The following NBEAL1 variants were observed in gnomAD, a reference collection of about 807,000 sequenced individuals.
NBEAL1 encodes neurobeachin-like protein 1.
In NBEAL1, 273 loss-of-function variants were observed where a neutral mutation model predicts 351.3. That is an observed-to-expected ratio of 0.78 (90% CI 0.70 to 0.86). NBEAL1 has a LOEUF of 0.86. Ranked by LOEUF, NBEAL1 falls within the 40% of genes least tolerant of loss-of-function variation. NBEAL1 has a pLI of 0.00. For synonymous variants in NBEAL1, 1,050 were observed against 1,086.4 expected (o/e 0.97, Z 0.66); for missense variants, 2,961 against 3,201.3 (o/e 0.92, Z 1.81).
chr2:203,206,573 G>C (rs952871953), intron 51 of NBEAL1, among the ~76,000 whole-genome samples: 2 of 136,980 alleles, frequency 1.5e-5, no homozygotes, highest in East Asian at 4.5e-4. Context: ...GCGCCGCCAC[G>C]CCTGACTGGT....
At chr2:203,183,236 T>C in intron 43 of NBEAL1, 43 bp from the exon 44 acceptor site, 4 of 1,080,364 alleles carry the variant, frequency 3.7e-6, no homozygotes, top group Non-Finnish European at 2.7e-6. Context: ...TCGTTTATTA[T>C]AATCTAAAAT....
intron 2 of NBEAL1, among the ~76,000 whole-genome samples, chr2:203,023,617 T>TC (rs1332308441): frequency 6.6e-6 from 1 of 151,004 alleles, no homozygotes; most frequent in Non-Finnish European, 1.5e-5. Context: ...TTTTTTTTTT[T>TC]CTGTTTGTTT....
At chr2:203,213,296 A>T (rs1405851644) in intron 54 of NBEAL1, among the ~76,000 whole-genome samples, 1 of 152,194 alleles carries the variant, frequency 6.6e-6, no homozygotes, top group Non-Finnish European at 1.5e-5. Context: ...TAGAAGAAAA[A>T]TAGATGTCAA....
intron 2 of NBEAL1, among the ~76,000 whole-genome samples, chr2:203,034,378 C>T (rs546507824): frequency 6.7e-5 from 10 of 148,184 alleles, no homozygotes; most frequent in Admixed American, 1.4e-4. Context: ...AGGATAGTCT[C>T]GATATCCTGA....
chr2:203,211,364 G>A (rs2065785031), intron 54 of NBEAL1, among the ~76,000 whole-genome samples: 1 of 151,980 alleles, frequency 6.6e-6, no homozygotes, highest in African/African-American at 2.4e-5. Flanking sequence ...TTTTAGGCTG[G>A]ACATAGTCAC....
At chr2:203,148,898 T>C in intron 33 of NBEAL1, 93 bp from the exon 34 acceptor site, 1 of 1,163,378 alleles carries the variant, frequency 8.6e-7, no homozygotes, top group Non-Finnish European at 1.1e-6. Flanking sequence ...ATGCAAGATT[T>C]TATTGGTCAA....
At chr2:203,121,548 A>C (rs2106271290) in intron 18 of NBEAL1, among the ~76,000 whole-genome samples, 1 of 151,110 alleles carries the variant, frequency 6.6e-6, no homozygotes, top group South Asian at 2.1e-4. Context: ...GCTACTTGGG[A>C]GGCTGAGGCA....
chr2:203,032,671 T>C (rs1338874108), intron 2 of NBEAL1, among the ~76,000 whole-genome samples: 1 of 140,780 alleles, frequency 7.1e-6, no homozygotes, highest in Non-Finnish European at 1.6e-5. Flanking sequence ...TTTTTTTTTT[T>C]TTTTTTTTTT....
chr2:203,050,815 G>T (rs2061312677), intron 4 of NBEAL1, among the ~76,000 whole-genome samples: 1 of 152,176 alleles, frequency 6.6e-6, no homozygotes, highest in Non-Finnish European at 1.5e-5. Context: ...CTACATGTAA[G>T]AATTCAAGAA....
Position 203,083,201 on chromosome 2 carries a change from T to C in NBEAL1, c.685-18T>C. Reference sequence around the variant, plus strand: ...TCATTAGGTTTAGGTTTCATTTTTATTGTCTCTAATGTTTCAGAGGAATGC... The same window carrying C: ...TCATTAGGTTTAGGTTTCATTTTTACTGTCTCTAATGTTTCAGAGGAATGC... On this transcript the variant is annotated intron_variant, in intron 8 of 55. Transcript: ENST00000683969. 3.9e-6 allele frequency: 6 copies of C among 1,531,210 alleles called. No homozygotes were observed. The highest frequency in any genetic ancestry group is 5.3e-6 in the Non-Finnish European group (6 of 1,136,732). 94.9% of individuals were successfully genotyped at this position (1,531,210 alleles called of 1,614,324 possible). A position where few individuals can be genotyped will look rare whatever the true frequency, so the allele number is the denominator to read the frequency against.
At chr2:203,208,813 TATAACTA>T in intron 52 of NBEAL1, 60 bp downstream of exon 52, 1 of 1,304,652 alleles carries the variant, frequency 7.7e-7, no homozygotes, top group Non-Finnish European at 1.1e-6. Context: ...TACCAACACT[TATAACTA>T]AAAAGTTTTT....
intron 54 of NBEAL1, among the ~76,000 whole-genome samples, chr2:203,212,476 G>A (rs939980900): frequency 9.9e-5 from 15 of 151,544 alleles, no homozygotes; most frequent in Admixed American, 2.0e-4. Context: ...GTGTGGTGGC[G>A]GGCACCTGTA....
chr2:203,136,793 A>G lies in NBEAL1; in HGVS notation c.4565+19A>G, dbSNP rs1248279336. ...AACTAACGTAAGCATTTAGTTAGTG[A>G]TTTTCCATCCTCCTTTTGGTGACAG... is the stretch of plus-strand genomic sequence containing the variant. On this transcript the variant is annotated intron_variant, in intron 29 of 55. Transcript: ENST00000683969. The G allele has an allele frequency of 1.0e-5, 16 of 1,602,716 alleles. No homozygotes were observed. The highest frequency in any genetic ancestry group is 1.1e-5 in the Non-Finnish European group (13 of 1,172,130).
intron 7 of NBEAL1, among the ~76,000 whole-genome samples, chr2:203,070,499 G>T (rs556486009): frequency 1.3e-5 from 2 of 151,958 alleles, no homozygotes; most frequent in South Asian, 4.2e-4. Context: ...GAGTAGCTGG[G>T]ACTACATGAA....
At chr2:203,192,003 G>A (rs549585181) in intron 46 of NBEAL1, among the ~76,000 whole-genome samples, 4 of 152,074 alleles carry the variant, frequency 2.6e-5, no homozygotes, top group South Asian at 2.1e-4. Context: ...AATTGAAATC[G>A]CCACAGCTAT....
rs906673444 is a variant in NBEAL1 at position 203,113,004 on chromosome 2, T to C, written c.2203-11T>C. ...TAATTAAAATTGTGTAATTTGTTTG[T>C]TTGTTTTTAGCCCTTTACTTCCTGT... On this transcript the variant is annotated splice_polypyrimidine_tract_variant and intron_variant, in intron 16 of 55. Coordinates refer to ENST00000683969, the MANE Select transcript of NBEAL1 (RefSeq NM_001378026.1). The C allele has an allele frequency of 2.1e-6, 3 of 1,428,004 alleles. No homozygotes were observed. The highest frequency in any genetic ancestry group is 1.4e-5 in the African/African-American group (1 of 69,108). 88.5% of individuals were successfully genotyped at this position (1,428,004 alleles called of 1,614,324 possible). A position where few individuals can be genotyped will look rare whatever the true frequency, so the allele number is the denominator to read the frequency against.
intron 6 of NBEAL1, among the ~76,000 whole-genome samples, chr2:203,058,119 C>T (rs777095135): frequency 1.4e-4 from 21 of 152,162 alleles, no homozygotes; most frequent in South Asian, 4.1e-4. Flanking sequence ...TGGGAGCCAC[C>T]GTGCCCGGCC....
intron 8 of NBEAL1, among the ~76,000 whole-genome samples, chr2:203,081,591 A>G (rs2061874129): frequency 6.6e-6 from 1 of 152,252 alleles, no homozygotes; most frequent in Admixed American, 6.5e-5. Context: ...TACTTTTCTA[A>G]TTAAAAACAA....
At chr2:203,127,026 A>G (rs2062953631) in intron 23 of NBEAL1, 100 bp downstream of exon 23, 5 of 812,770 alleles carry the variant, frequency 6.2e-6, no homozygotes, top group South Asian at 5.6e-5. Flanking sequence ...CAGCGATTCT[A>G]GTATGTTTTA....
Sources: gnomAD v4.1 joint callset for allele counts (sites outside exome capture counted in the v4.1 genomes callset) on GRCh38, gnomAD v4.1.1 for gene constraint, MANE v1.5 for transcripts, NCBI Gene and HGNC (gene_info 2026-07-23, HGNC 2026-07-21) for gene names.